Variants in NAALADL2 observed in about 807,000 individuals in gnomAD.
NAALADL2 encodes the protein inactive N-acetylated-alpha-linked acidic dipeptidase-like protein 2.
NAALADL2 carries 76 observed loss-of-function variants against 87.2 expected under a neutral mutation model. The ratio of observed to expected loss-of-function variants is 0.87; its 90% CI spans 0.72 to 1.05. The LOEUF is 1.05. Among genes scored for constraint, NAALADL2 ranks in the 50% least tolerant of loss-of-function variants. NAALADL2 has a pLI of 0.00. For missense variants in NAALADL2, 1,089 were observed against 945.8 expected (o/e 1.15, Z -1.99); for synonymous variants, 354 against 331.0 (o/e 1.07, Z -0.75).
At chr3:175,072,130 T>C (rs1335800438) in intron 1 of NAALADL2, among the ~76,000 whole-genome samples, 4 of 152,068 alleles carry the variant, frequency 2.6e-5, no homozygotes, top group East Asian at 1.9e-4. Flanking sequence ...TTTACATTAG[T>C]TGCCATTCAG....
At chr3:175,800,287 T>A (rs1753996888) in intron 13 of NAALADL2, among the ~76,000 whole-genome samples, 1 of 152,092 alleles carries the variant, frequency 6.6e-6, no homozygotes, top group African/African-American at 2.4e-5. Flanking sequence ...CTCACAACCC[T>A]CTTGCTACTC....
At chr3:174,868,008 A>C (rs570051487) in intron 1 of NAALADL2, among the ~76,000 whole-genome samples, 15 of 152,198 alleles carry the variant, frequency 9.9e-5, no homozygotes, top group Admixed American at 3.9e-4. Context: ...TAAGGAGAGA[A>C]GCTCATGAAA....
intron 2 of NAALADL2, among the ~76,000 whole-genome samples, chr3:174,589,039 C>A (rs1288181223): frequency 6.6e-6 from 1 of 152,122 alleles, no homozygotes; most frequent in Admixed American, 6.5e-5. Context: ...TTCCAGCTTC[C>A]CAGCCACTTT....
intron 9 of NAALADL2, among the ~76,000 whole-genome samples, chr3:175,558,117 C>G (rs1390937619): frequency 6.8e-6 from 1 of 146,128 alleles, no homozygotes; most frequent in Non-Finnish European, 1.5e-5. Context: ...ATGGCGTGAA[C>G]CCGGGAGGCG....
At chr3:175,438,595 G>A (rs553841868) in intron 5 of NAALADL2, among the ~76,000 whole-genome samples, 63 of 151,996 alleles carry the variant, frequency 4.1e-4, no homozygotes, top group Non-Finnish European at 9.0e-4. Context: ...TGATTGTTTG[G>A]TTCTCTGGTA....
At chr3:174,876,429 T>A (rs1253547148) in intron 1 of NAALADL2, among the ~76,000 whole-genome samples, 1 of 152,202 alleles carries the variant, frequency 6.6e-6, no homozygotes, top group Non-Finnish European at 1.5e-5. Flanking sequence ...TTATAATACT[T>A]CTGCATAAAA....
intron 11 of NAALADL2, among the ~76,000 whole-genome samples, chr3:175,678,289 C>G (rs1165112537): frequency 3.3e-5 from 5 of 152,172 alleles, no homozygotes; most frequent in Admixed American, 1.3e-4. Flanking sequence ...TCATTGCCCT[C>G]TCCTGTCCCC....
intron 10 of NAALADL2, among the ~76,000 whole-genome samples, chr3:175,598,052 A>G (rs1237445964): frequency 6.6e-6 from 1 of 151,990 alleles, no homozygotes; most frequent in Non-Finnish European, 1.5e-5. Flanking sequence ...TATCTTCCAA[A>G]TATTATTCTA....
intron 12 of NAALADL2, among the ~76,000 whole-genome samples, 198 bp from the exon 13 acceptor site, chr3:175,755,022 G>C (rs1048211318): frequency 6.6e-6 from 1 of 151,898 alleles, no homozygotes; most frequent in Admixed American, 6.6e-5. Context: ...CTTTTTCCTT[G>C]GACAGGTAAG....
intron 3 of NAALADL2, among the ~76,000 whole-genome samples, chr3:174,850,962 T>C (rs1362782614): frequency 1.3e-5 from 2 of 152,048 alleles, no homozygotes; most frequent in Non-Finnish European, 2.9e-5. Context: ...CAGAGAAACT[T>C]TGGAAACTCT....
chr3:174,864,212 A>G, intron 1 of NAALADL2: 1 of 356,324 alleles, frequency 2.8e-6, no homozygotes, highest in Non-Finnish European at 5.5e-6. Flanking sequence ...ACAAAATCTG[A>G]AGTAAAGCCT....
intron 2 of NAALADL2, among the ~76,000 whole-genome samples, chr3:175,111,480 AC>A (rs1357831452): frequency 5.9e-5 from 9 of 151,772 alleles, no homozygotes; most frequent in Non-Finnish European, 1.3e-4. Context: ...TGCACCTAGA[AC>A]TATTGCTGAA....
At chr3:175,328,332 C>T (rs764775008) in intron 5 of NAALADL2, among the ~76,000 whole-genome samples, 2 of 151,454 alleles carry the variant, frequency 1.3e-5, no homozygotes, top group African/African-American at 4.9e-5. Flanking sequence ...ACTTCTTGTT[C>T]ATTTATTTGT....
intron 2 of NAALADL2, among the ~76,000 whole-genome samples, chr3:174,624,570 G>A (rs980837021): frequency 6.6e-6 from 1 of 151,100 alleles, no homozygotes; most frequent in Admixed American, 6.6e-5. Context: ...GTTGCAGTGA[G>A]CTGAGGTCAC....
intron 5 of NAALADL2, among the ~76,000 whole-genome samples, chr3:175,335,804 G>A (rs1313235707): frequency 6.6e-6 from 1 of 152,146 alleles, no homozygotes; most frequent in African/African-American, 2.4e-5. Flanking sequence ...TAAAAAAATT[G>A]AATCTCTGGA....
At chr3:174,750,421 C>CT (rs1197866916) in intron 3 of NAALADL2, among the ~76,000 whole-genome samples, 8 of 147,212 alleles carry the variant, frequency 5.4e-5, no homozygotes, top group African/African-American at 1.8e-4. Context: ...TCTTCTTCTT[C>CT]TTTTTTATTT....
chr3:174,454,040 A>G (rs1715660332), intron 1 of NAALADL2, among the ~76,000 whole-genome samples: 2 of 152,178 alleles, frequency 1.3e-5, no homozygotes, highest in Admixed American at 6.5e-5. Flanking sequence ...ACAGGCTTAA[A>G]ATAAAGGGAT....
chr3:175,105,418 T>G (rs1722923356), intron 2 of NAALADL2, among the ~76,000 whole-genome samples: 1 of 151,784 alleles, frequency 6.6e-6, no homozygotes, highest in East Asian at 1.9e-4. Flanking sequence ...ATACTTCTGG[T>G]TATTTATACC....
At chr3:175,303,845 A>G (rs1757373427) in intron 4 of NAALADL2, among the ~76,000 whole-genome samples, 1 of 152,132 alleles carries the variant, frequency 6.6e-6, no homozygotes, top group Non-Finnish European at 1.5e-5. Flanking sequence ...CAATTTACCA[A>G]TTGCCTTACA....
Sources: allele counts gnomAD v4.1 joint callset (sites outside exome capture counted in the v4.1 genomes callset), GRCh38; gene constraint gnomAD v4.1.1; transcripts MANE v1.5; gene names NCBI Gene and HGNC (gene_info 2026-07-23, HGNC 2026-07-21).